The following RNF217 variants were observed in gnomAD, a reference collection of about 807,000 sequenced individuals.
RNF217 encodes the protein E3 ubiquitin-protein ligase RNF217.
A neutral mutation model predicts 57.8 loss-of-function variants in RNF217; 31 were observed. The ratio of observed to expected loss-of-function variants is 0.54; its 90% CI spans 0.40 to 0.72. RNF217 has a LOEUF of 0.72. Among genes scored for constraint, RNF217 ranks in the 30% least tolerant of loss-of-function variants. The probability of loss-of-function intolerance (pLI) is 0.00; values close to 1 mark genes in which losing one functional copy is unlikely to be tolerated. For synonymous variants in RNF217, 313 were observed against 294.0 expected, an observed-to-expected ratio of 1.06 and a Z score of -0.66; for missense variants, 696 against 708.3, an observed-to-expected ratio of 0.98 and a Z score of 0.20.
At chr6:125,037,380 C>A (rs183713733) in intron 1 of RNF217, among the ~76,000 whole-genome samples, 1 of 152,184 alleles carries the variant, frequency 6.6e-6, no homozygotes, top group Admixed American at 6.6e-5. Flanking sequence ...GGGAATATGC[C>A]TTTTTCTCTG....
chr6:125,070,205 G>A (rs1788084303), intron 3 of RNF217, among the ~76,000 whole-genome samples: 2 of 152,162 alleles, frequency 1.3e-5, no homozygotes, highest in Non-Finnish European at 2.9e-5. Flanking sequence ...ATGCTCTTCA[G>A]TAGTATTCCA....
chr6:124,993,915 C>T (rs1333999812), intron 1 of RNF217, among the ~76,000 whole-genome samples: 6 of 152,206 alleles, frequency 3.9e-5, no homozygotes, highest in South Asian at 2.1e-4. Context: ...AGTGGGAATT[C>T]GAGCCATTAA....
chr6:125,016,872 G>A (rs575590093), intron 1 of RNF217, among the ~76,000 whole-genome samples: 23 of 152,142 alleles, frequency 1.5e-4, no homozygotes, highest in South Asian at 8.3e-4. Flanking sequence ...CATGGCACGC[G>A]TATACCTATC....
intron 1 of RNF217, among the ~76,000 whole-genome samples, chr6:125,040,851 G>A (rs1786852359): frequency 6.6e-6 from 1 of 152,094 alleles, no homozygotes; most frequent in Admixed American, 6.6e-5. Flanking sequence ...AAAACTACAT[G>A]ATTATCTCAA....
chr6:124,990,159 T>G (rs761911003), intron 1 of RNF217, among the ~76,000 whole-genome samples: 41 of 152,260 alleles, frequency 2.7e-4, no homozygotes, highest in Non-Finnish European at 5.4e-4. Flanking sequence ...GTCTTCATTT[T>G]CTTCATTCCA....
At chr6:124,967,116 A>G (rs995274557) in intron 1 of RNF217, among the ~76,000 whole-genome samples, 10 of 152,294 alleles carry the variant, frequency 6.6e-5, no homozygotes, top group African/African-American at 2.2e-4. Context: ...TATATTATTC[A>G]TATTATATTG....
chr6:125,092,046 C>T lies in RNF217; in HGVS notation c.*9109C>T, dbSNP rs1173361488. 1 of 151,342 alleles carries T rather than the reference C, an allele frequency of 6.6e-6. No individual in the cohort carries two copies. The highest frequency in any genetic ancestry group is 1.5e-5 in the Non-Finnish European group (1 of 67,922). 9.4% of individuals were successfully genotyped at this position (151,342 alleles called of 1,614,324 possible). On this transcript the variant is annotated 3_prime_UTR_variant, in exon 6 of 6. Coordinates refer to ENST00000521654, the MANE Select transcript of RNF217 (RefSeq NM_001286398.3). Reference sequence around the variant, plus strand: ...AAAAGACAAAGACAGGTTGTATATGCAGTTATGTGTAAATATTTGACAAAG... The same window carrying T: ...AAAAGACAAAGACAGGTTGTATATGTAGTTATGTGTAAATATTTGACAAAG...
intron 1 of RNF217, among the ~76,000 whole-genome samples, chr6:125,000,438 A>G (rs888938216): frequency 2.0e-5 from 3 of 152,048 alleles, no homozygotes; most frequent in Non-Finnish European, 4.4e-5. Context: ...GTAAGGGGGC[A>G]TTATAGATAT....
At chr6:125,064,337 GT>G (rs1787858775) in intron 3 of RNF217, among the ~76,000 whole-genome samples, 1 of 152,140 alleles carries the variant, frequency 6.6e-6, no homozygotes, top group Non-Finnish European at 1.5e-5. Flanking sequence ...CTAGACCTTA[GT>G]TGTTAGAAGC....
chr6:124,973,181 A>T (rs1180590683), intron 1 of RNF217, among the ~76,000 whole-genome samples: 1 of 152,194 alleles, frequency 6.6e-6, no homozygotes, highest in Non-Finnish European at 1.5e-5. Context: ...TGCTTCACAT[A>T]GAGATCCCAG....
At chr6:125,075,665 C>A (rs1454643697) in intron 3 of RNF217, among the ~76,000 whole-genome samples, 2 of 152,004 alleles carry the variant, frequency 1.3e-5, no homozygotes, top group African/African-American at 4.8e-5. Flanking sequence ...AATACAGAGC[C>A]AAACCATATC....
intron 1 of RNF217, among the ~76,000 whole-genome samples, chr6:124,999,966 T>C (rs1048464981): frequency 4.6e-5 from 7 of 152,212 alleles, no homozygotes; most frequent in Non-Finnish European, 7.3e-5. Context: ...TTGTTGTTTT[T>C]GCTGCTGTTT....
intron 5 of RNF217, chr6:125,082,405 A>C: frequency 6.5e-7 from 1 of 1,529,258 alleles, no homozygotes; most frequent in Non-Finnish European, 8.8e-7. Flanking sequence ...TTGCAATGTG[A>C]GTTAGGACAT....
chr6:124,997,044 G>A lies in RNF217; in HGVS notation c.882+33618G>A, dbSNP rs769643088. Among the ~76,000 whole-genome samples, 7 of 152,138 alleles carry A rather than the reference G, an allele frequency of 4.6e-5. No individual in the cohort carries two copies. In the South Asian group the frequency reaches 6.2e-4, roughly 14 times the overall value. ...AAGTTTAGGTTCTACAAACACGGACGTGCTGGTAGAGTCTATTTTTTCATC... is the reference window on the plus strand; with the variant it reads ...AAGTTTAGGTTCTACAAACACGGACATGCTGGTAGAGTCTATTTTTTCATC... On this transcript the variant is annotated intron_variant, in intron 1 of 5. Transcript: ENST00000521654.
chr6:125,048,200 C>T, intron 2 of RNF217: 1 of 1,353,130 alleles, frequency 7.4e-7, no homozygotes, highest in Non-Finnish European at 9.9e-7. Context: ...TCGTGAGATT[C>T]ATGGCCACAG....
rs150291356 is a variant in RNF217, at chr6:125,031,034, G to A, written c.883-14177G>A. On this transcript the variant is annotated intron_variant, in intron 1 of 5. Coordinates refer to ENST00000521654, the MANE Select transcript of RNF217 (RefSeq NM_001286398.3). ...TCTTGACTTCTTTGCACATGCACGC[G>A]GAACACCACATGGAAGCTGTCAAGG... Among the ~76,000 whole-genome samples, 29 of 152,284 alleles carry A rather than the reference G, an allele frequency of 1.9e-4. No homozygotes were observed. The East Asian group carries it at 2.5e-3, about 13-fold the overall frequency.
Position 125,064,842 on chromosome 6 carries a change from G to GTA in RNF217, c.1281+6747_1281+6748dup, listed in dbSNP as rs536950766. Among the ~76,000 whole-genome samples, 128 of 151,536 alleles carry GTA rather than the reference G, an allele frequency of 8.4e-4. 1 individual carries two copies. In the South Asian group the frequency reaches 0.01, roughly 12 times the overall value. On this transcript the variant is annotated intron_variant, in intron 3 of 5. Coordinates refer to ENST00000521654, the MANE Select transcript of RNF217 (RefSeq NM_001286398.3). ...TATTTATGTGTGTGTATGTACGTGT[G>GTA]TATATATATATAGTTAGGGTACTAG... is the stretch of plus-strand genomic sequence containing the variant.
intron 1 of RNF217, among the ~76,000 whole-genome samples, chr6:125,030,639 G>C (rs531064691): frequency 6.6e-6 from 1 of 152,150 alleles, no homozygotes; most frequent in Non-Finnish European, 1.5e-5. Flanking sequence ...TCCAGGTCAC[G>C]CTGATGCAAG....
At position 125,089,134 on chromosome 6, in the gene RNF217, C is replaced by T. The variant is rs1054756473; in HGVS notation, c.*6197C>T. 15 of 152,242 alleles carry T rather than the reference C, an allele frequency of 9.9e-5. No homozygotes were observed. Among genetic ancestry groups the T allele is most frequent in the African/African-American group, 3.6e-4 (15 of 41,446 alleles). 9.4% of individuals were successfully genotyped at this position (152,242 alleles called of 1,614,324 possible). ...AGGAGTGCCTGGAACACTTTTCCCT[C>T]TTGATAGGAGTTGGAGAACACTGCC... is the stretch of plus-strand genomic sequence containing the variant. On this transcript the variant is annotated 3_prime_UTR_variant, in exon 6 of 6. Coordinates refer to ENST00000521654, the MANE Select transcript of RNF217 (RefSeq NM_001286398.3).
Sources: allele counts gnomAD v4.1 joint callset (sites outside exome capture counted in the v4.1 genomes callset), GRCh38; gene constraint gnomAD v4.1.1; transcripts MANE v1.5; gene names NCBI Gene and HGNC (gene_info 2026-07-23, HGNC 2026-07-21).